TSGA10: variants seen among roughly 807,000 people sequenced by gnomAD.
TSGA10 encodes testis specific 10.
In TSGA10, 43 loss-of-function variants were observed where a neutral mutation model predicts 96.6. The ratio of observed to expected loss-of-function variants is 0.44; its 90% CI spans 0.35 to 0.57. The LOEUF is 0.57. TSGA10 is among the 20% of genes least tolerant of loss of function. The probability of loss-of-function intolerance (pLI) is 0.01; values close to 1 mark genes in which losing one functional copy is unlikely to be tolerated. For synonymous variants in TSGA10, 229 were observed against 269.9 expected, an observed-to-expected ratio of 0.85 and a Z score of 1.48; for missense variants, 703 against 834.4, an observed-to-expected ratio of 0.84 and a Z score of 1.94.
At chr2:99,104,207 T>C in intron 9 of TSGA10, 89 bp from the exon 10 acceptor site, 1 of 1,439,994 alleles carries the variant, frequency 6.9e-7, no homozygotes, top group African/African-American at 1.4e-5. Flanking sequence ...TACAAACTGG[T>C]TTATGGCAAG....
At chr2:99,023,615 T>A (rs2080248895) in intron 17 of TSGA10, among the ~76,000 whole-genome samples, 1 of 152,212 alleles carries the variant, frequency 6.6e-6, no homozygotes. Context: ...CACATAGATA[T>A]TAGGTTGTCC....
At chr2:99,081,560 T>C (rs2087509143) in intron 10 of TSGA10, among the ~76,000 whole-genome samples, 163 bp from the exon 11 acceptor site, 1 of 152,140 alleles carries the variant, frequency 6.6e-6, no homozygotes, top group South Asian at 2.1e-4. Flanking sequence ...GTTTAAAAAA[T>C]AAAGGGTAAG....
chr2:99,091,848 C>A (rs764254023), intron 10 of TSGA10, among the ~76,000 whole-genome samples: 3 of 152,114 alleles, frequency 2.0e-5, no homozygotes, highest in Non-Finnish European at 2.9e-5. Flanking sequence ...CCACTGACAG[C>A]ACTTGACAGG....
chr2:99,071,897 C>T (rs760293268), intron 13 of TSGA10, 23 bp from the exon 14 acceptor site: 28 of 1,579,166 alleles, frequency 1.8e-5, no homozygotes, highest in South Asian at 2.3e-5. Flanking sequence ...TCAAAGAGTA[C>T]ATAAGAAGAG....
chr2:99,129,804 C>G (rs190069293), intron 1 of TSGA10, among the ~76,000 whole-genome samples: 3 of 152,150 alleles, frequency 2.0e-5, no homozygotes, highest in Non-Finnish European at 4.4e-5. Context: ...AACTCCCTGA[C>G]AGGCCCTGGT....
chr2:99,096,726 A>G (rs866549628), intron 10 of TSGA10, among the ~76,000 whole-genome samples: 1 of 152,218 alleles, frequency 6.6e-6, no homozygotes, highest in Non-Finnish European at 1.5e-5. Flanking sequence ...AACAGAAAAC[A>G]GACTTTGCTA....
intron 17 of TSGA10, among the ~76,000 whole-genome samples, chr2:99,022,866 T>G (rs1352187487): frequency 1.3e-5 from 2 of 152,232 alleles, no homozygotes; most frequent in African/African-American, 4.8e-5. Context: ...TCTCTCTGAT[T>G]ACAGCCATCC....
intron 10 of TSGA10, chr2:99,102,113 A>G (rs2090828427): frequency 5.5e-6 from 8 of 1,450,960 alleles, no homozygotes; most frequent in Non-Finnish European, 9.7e-7. Flanking sequence ...AGCGACAAGA[A>G]GAGTTAGATA....
intron 3 of TSGA10, 93 bp downstream of exon 3, chr2:99,118,458 A>G: frequency 1.9e-6 from 1 of 513,486 alleles, no homozygotes; most frequent in African/African-American, 2.1e-5. Context: ...CTCAAAAAAA[A>G]AAAAAAAAAA....
At chr2:99,002,233 A>G (rs58481211) in intron 20 of TSGA10, among the ~76,000 whole-genome samples, 1 of 152,202 alleles carries the variant, frequency 6.6e-6, no homozygotes, top group African/African-American at 2.4e-5. Context: ...GGCAGCCAGA[A>G]AGAAAGGTCC....
chr2:99,039,728 C>T (rs942326103), intron 16 of TSGA10, among the ~76,000 whole-genome samples: 1 of 152,090 alleles, frequency 6.6e-6, no homozygotes, highest in African/African-American at 2.4e-5. Flanking sequence ...TGAAATTATT[C>T]CACAAGGCAG....
chr2:99,000,345 GAA>G (rs146211344), intron 20 of TSGA10, among the ~76,000 whole-genome samples: 128 of 142,654 alleles, frequency 9.0e-4, no homozygotes, highest in Middle Eastern at 3.6e-3. Flanking sequence ...CGTCTCTACT[GAA>G]AAAAAAAAAA....
chr2:99,027,564 A>T (rs181289734), intron 17 of TSGA10, among the ~76,000 whole-genome samples: 1 of 152,234 alleles, frequency 6.6e-6, no homozygotes, highest in East Asian at 1.9e-4. Flanking sequence ...AAATAAGTTG[A>T]TAAGTTGATT....
chr2:99,088,575 G>A (rs2088866194), intron 10 of TSGA10, among the ~76,000 whole-genome samples: 2 of 152,260 alleles, frequency 1.3e-5, no homozygotes, highest in East Asian at 1.9e-4. Context: ...TAAAAGGGCT[G>A]CATTATAAAT....
chr2:99,043,831 C>T (rs2082452717), intron 16 of TSGA10, among the ~76,000 whole-genome samples: 1 of 152,162 alleles, frequency 6.6e-6, no homozygotes, highest in South Asian at 2.1e-4. Flanking sequence ...AAGGGAAAAT[C>T]TCTACAGAAA....
intron 20 of TSGA10, among the ~76,000 whole-genome samples, chr2:99,012,511 A>G (rs2079087083): frequency 6.6e-6 from 1 of 152,236 alleles, no homozygotes; most frequent in Admixed American, 6.5e-5. Context: ...GCAAATGGAA[A>G]GTGAGCAAGA....
intron 20 of TSGA10, among the ~76,000 whole-genome samples, chr2:99,015,682 CT>C (rs768464956): frequency 7.9e-5 from 12 of 151,986 alleles, no homozygotes; most frequent in Non-Finnish European, 1.5e-4. Context: ...TAAAGGGCAC[CT>C]AAATCAGTAG....
chr2:99,149,658 G>A (rs1238206941), intron 1 of TSGA10, among the ~76,000 whole-genome samples: 2 of 151,538 alleles, frequency 1.3e-5, no homozygotes, highest in Admixed American at 1.3e-4. Flanking sequence ...TAGCCAGGAT[G>A]GTCTCGATCT....
chr2:99,116,238 T>C lies in TSGA10; in HGVS notation c.-140+1306A>G, dbSNP rs376817266. On this transcript the variant is annotated intron_variant, in intron 4 of 20. Coordinates refer to ENST00000393483, the MANE Select transcript of TSGA10 (RefSeq NM_025244.4). Reference sequence around the variant, plus strand: ...ATTTAAAAATTCAACAGGTTGTTTTTTGGCCTTCAAATATGCTCTATCTTG... The same window carrying C: ...ATTTAAAAATTCAACAGGTTGTTTTCTGGCCTTCAAATATGCTCTATCTTG... Among the ~76,000 whole-genome samples, 4 of 152,338 alleles carry C rather than the reference T, an allele frequency of 2.6e-5. No homozygotes were observed. In the South Asian group the frequency reaches 6.2e-4, roughly 24 times the overall value.
Sources: gnomAD v4.1 joint callset for allele counts (sites outside exome capture counted in the v4.1 genomes callset) on GRCh38, gnomAD v4.1.1 for gene constraint, MANE v1.5 for transcripts, NCBI Gene and HGNC (gene_info 2026-07-23, HGNC 2026-07-21) for gene names.